The following LARP7 variants were observed in gnomAD, a reference collection of about 807,000 sequenced individuals.
LARP7 encodes the protein la-related protein 7.
A neutral mutation model predicts 69.3 loss-of-function variants in LARP7; 52 were observed. That is an observed-to-expected ratio of 0.75 (90% CI 0.60 to 0.95). The LOEUF is 0.95. Ranked by LOEUF, LARP7 falls within the 40% of genes least tolerant of loss-of-function variation. The pLI, the probability that LARP7 is intolerant of heterozygous loss-of-function variation, is 0.00. For missense variants in LARP7, 733 were observed against 673.0 expected (o/e 1.09, Z -0.99); for synonymous variants, 254 against 215.9 (o/e 1.18, Z -1.55).
intron 1 of LARP7, among the ~76,000 whole-genome samples, chr4:112,640,310 A>G (rs904129452): frequency 2.6e-5 from 4 of 152,224 alleles, no homozygotes; most frequent in Admixed American, 2.6e-4. Context: ...AGGTACTTTT[A>G]AATTTGTTTT....
chr4:112,653,349 G>A (rs997460917), intron 11 of LARP7, 113 bp downstream of exon 11: 15 of 792,268 alleles, frequency 1.9e-5, no homozygotes, highest in African/African-American at 9.1e-5. Flanking sequence ...TTGCTCTGTC[G>A]CTCAGGCTGG....
chr4:112,648,885 G>T (rs1439268167), intron 8 of LARP7, among the ~76,000 whole-genome samples: 1 of 137,174 alleles, frequency 7.3e-6, no homozygotes, highest in Non-Finnish European at 1.5e-5. Flanking sequence ...AGATGTCAAT[G>T]TTAACAGCTA....
chr4:112,647,613 T>G (rs532966854), intron 7 of LARP7, 64 bp downstream of exon 7: 5 of 1,470,920 alleles, frequency 3.4e-6, no homozygotes, highest in Non-Finnish European at 4.5e-6. Context: ...TTTTAATTAA[T>G]TAGGTTTTAA....
intron 12 of LARP7, among the ~76,000 whole-genome samples, chr4:112,656,255 T>C (rs966824815): frequency 1.3e-5 from 2 of 151,818 alleles, no homozygotes; most frequent in Non-Finnish European, 2.9e-5. Flanking sequence ...ATACAAAAAT[T>C]AGCCAGCTGG....
Position 112,646,637 on chromosome 4 carries a change from GACCAAAGGATGAGGATGA to G in LARP7, c.356_373del (p.Pro119_Glu124del). On this transcript the variant is annotated inframe_deletion, in exon 4 of 13. Coordinates refer to ENST00000344442, the MANE Select transcript of LARP7 (RefSeq NM_016648.4). ...CGGAGGAAAAAACCTCTGGGGGAAAGACCAAAGGATGAGGATGAACGCACAGTGTATGTGGTAAGCTTA... is the reference window on the plus strand; with the variant it reads ...CGGAGGAAAAAACCTCTGGGGGAAAGACGCACAGTGTATGTGGTAAGCTTA... 1 of 1,605,870 alleles carries G rather than the reference GACCAAAGGATGAGGATGA, an allele frequency of 6.2e-7. No homozygotes were observed. Among genetic ancestry groups the G allele is most frequent in the Non-Finnish European group, 8.5e-7 (1 of 1,175,646 alleles).
At chr4:112,642,715 T>C (rs1287378007) in intron 1 of LARP7, among the ~76,000 whole-genome samples, 1 of 152,194 alleles carries the variant, frequency 6.6e-6, no homozygotes, top group Non-Finnish European at 1.5e-5. Context: ...TCACTACTTT[T>C]TTCTCCCATT....
chr4:112,639,892 G>T (rs965021604), intron 1 of LARP7, among the ~76,000 whole-genome samples: 1 of 151,938 alleles, frequency 6.6e-6, no homozygotes, highest in Non-Finnish European at 1.5e-5. Flanking sequence ...ATCAATTATA[G>T]AATTATAATT....
rs1263806239 is a variant in LARP7 at position 112,646,949 on chromosome 4, A to T, written c.546A>T (p.Ala182=). The change falls in exon 5 of 13, where the codon GCA becomes GCT. Residue 182 remains alanine (A), a synonymous_variant. Coordinates refer to ENST00000344442, the MANE Select transcript of LARP7 (RefSeq NM_016648.4). ...EFETKEQAAK[A]IEFLNNPPEE... is the part of the protein sequence containing the mutation. ...AAACAAAAGAACAAGCAGCAAAAGC[A>T]ATTGAGGTAAGTCCAGATCCTAAAA... 1 of 1,602,710 alleles carries T rather than the reference A, an allele frequency of 6.2e-7. No individual in the cohort carries two copies. Among genetic ancestry groups the T allele is most frequent in the Non-Finnish European group, 8.5e-7 (1 of 1,177,252 alleles).
chr4:112,637,624 A>G (rs536963077), intron 1 of LARP7: 1 of 152,394 alleles, frequency 6.6e-6, no homozygotes, highest in East Asian at 1.9e-4. Flanking sequence ...ATATTCTAAA[A>G]TTATCATCTT....
Position 112,646,802 on chromosome 4 carries a change from CA to C in LARP7, c.404del (p.Asn135MetfsTer20). ...TTAATTTATAATAGGAGTTACTTCC[CA>C]AAAATGTTAATCACAGCTGGATTGA... Reference protein sequence around the residue: ...ERTVYVELLPKNVNHSWIERV... With the variant: ...ERTVYVELLPXNVNHSWIERV... On this transcript the variant is annotated frameshift_variant, in exon 5 of 13. Coordinates refer to ENST00000344442, the MANE Select transcript of LARP7 (RefSeq NM_016648.4). LOFTEE classifies it high-confidence loss of function. 6.3e-7 allele frequency: 1 copy of C among 1,583,640 alleles called. No homozygotes were observed. The highest frequency in any genetic ancestry group is 1.2e-5 in the South Asian group (1 of 85,026).
rs373823878 is a variant in LARP7, at chr4:112,654,134, G to A, written c.1643G>A (p.Arg548Gln). The A allele has an allele frequency of 2.3e-5, 37 of 1,613,504 alleles. No individual in the cohort carries two copies. The highest frequency in any genetic ancestry group is 8.9e-5 in the East Asian group (4 of 44,814). ...VDRQAKLNQP[R>Q]EKKRGTEKLI... ...AGACAGGCAAAACTTAATCAGCCTCGGGAAAAGAAAAGAGGCACTGAAAAG... is the reference window on the plus strand; with the variant it reads ...AGACAGGCAAAACTTAATCAGCCTCAGGAAAAGAAAAGAGGCACTGAAAAG... The change falls in exon 12 of 13, where the codon CGG becomes CAG. Residue 548 changes from arginine (R) to glutamine (Q), a missense_variant. Arg to Gln is a conservative substitution (Grantham distance 43, BLOSUM62 1). Coordinates refer to ENST00000344442, the MANE Select transcript of LARP7 (RefSeq NM_016648.4).
Position 112,638,336 on chromosome 4 carries a change from C to G in LARP7, c.-3+1097C>G, listed in dbSNP as rs560734528. Among the ~76,000 whole-genome samples, 5 of 152,296 alleles carry G rather than the reference C, an allele frequency of 3.3e-5. No individual in the cohort carries two copies. The East Asian group carries it at 9.6e-4, about 29-fold the overall frequency. On this transcript the variant is annotated intron_variant, in intron 1 of 12. Transcript: ENST00000344442. The stretch of plus-strand genomic sequence containing the variant: ...CATATAATTTCCTCAGGAGAAATTA[C>G]GAAATACTTTTAAATAGCAAACACA...
At chr4:112,647,902 A>G (rs2048402509) in intron 8 of LARP7, 68 bp downstream of exon 8, 1 of 1,120,996 alleles carries the variant, frequency 8.9e-7, no homozygotes, top group South Asian at 1.2e-5. Flanking sequence ...TGCAATTCCA[A>G]TTTATATTCA....
chr4:112,646,542 A>C, intron 3 of LARP7, 46 bp from the exon 4 acceptor site: 1 of 1,286,320 alleles, frequency 7.8e-7, no homozygotes, highest in Non-Finnish European at 1.1e-6. Flanking sequence ...ATAGCTTACA[A>C]TTATAAATAA....
At chr4:112,652,497 C>T (rs2048791264) in intron 10 of LARP7, among the ~76,000 whole-genome samples, 1 of 151,950 alleles carries the variant, frequency 6.6e-6, no homozygotes, top group Non-Finnish European at 1.5e-5. Context: ...CTTTTCCTTG[C>T]TGGGTGACCA....
rs779100415 is a variant in LARP7, at chr4:112,647,109, C to A, written c.628C>A (p.Pro210Thr). Residue 210 changes from proline (P) to threonine (T), a missense_variant, in exon 6 of 13, where the codon CCA (proline) becomes ACA (threonine). Physicochemically the swap from Pro to Thr is conservative, Grantham distance 38 (BLOSUM62 -1). Transcript: ENST00000344442. ...TAAAACAGTGAAAAATAAGCCCATT[C>A]CAGCCTTAAGAGTTGTGGGTGAGTA... ...FPKTVKNKPI[P>T]ALRVVEEKKK... 57 of 1,610,102 alleles carry A rather than the reference C, an allele frequency of 3.5e-5. No homozygotes were observed. The highest frequency in any genetic ancestry group is 4.6e-5 in the Non-Finnish European group (54 of 1,179,190).
intron 1 of LARP7, among the ~76,000 whole-genome samples, chr4:112,639,980 C>A (rs1211025885): frequency 6.6e-6 from 1 of 152,014 alleles, no homozygotes. Context: ...AATCTGTCTC[C>A]CAGACTGGAG....
Position 112,646,956 on chromosome 4 carries a change from G to GT in LARP7, c.552+2dup, listed in dbSNP as rs758212893. On this transcript the variant is annotated splice_donor_variant, in intron 5 of 12. Transcript: ENST00000344442. LOFTEE classifies it high-confidence loss of function. ...AGAACAAGCAGCAAAAGCAATTGAGGTAAGTCCAGATCCTAAAAAAAAAAA... is the reference window on the plus strand; with the variant it reads ...AGAACAAGCAGCAAAAGCAATTGAGGTTAAGTCCAGATCCTAAAAAAAAAAA... 3 of 1,596,448 alleles carry GT rather than the reference G, an allele frequency of 1.9e-6. No homozygotes were observed. The highest frequency in any genetic ancestry group is 2.2e-5 in the East Asian group (1 of 44,760).
chr4:112,646,528 GAT>G (rs2048256935), intron 3 of LARP7, 58 bp from the exon 4 acceptor site: 1 of 1,263,258 alleles, frequency 7.9e-7, no homozygotes, highest in Admixed American at 2.3e-5. Context: ...ATTATTATAT[GAT>G]TATAGCTTAC....
Sources: allele counts gnomAD v4.1 joint callset (sites outside exome capture counted in the v4.1 genomes callset), GRCh38; gene constraint gnomAD v4.1.1; transcripts MANE v1.5; gene names NCBI Gene and HGNC (gene_info 2026-07-23, HGNC 2026-07-21).